Variants in GABRG3 observed in about 807,000 individuals in gnomAD.
GABRG3 encodes the protein gamma-aminobutyric acid receptor subunit gamma-3.
A neutral mutation model predicts 48.8 loss-of-function variants in GABRG3; 25 were observed. The observed-to-expected ratio is 0.51, with a 90% CI of 0.37 to 0.72. The LOEUF is 0.72. Among genes scored for constraint, GABRG3 ranks in the 30% least tolerant of loss-of-function variants. The pLI is 0.00. For missense variants in GABRG3, 394 were observed against 577.9 expected (o/e 0.68, Z 3.26); for synonymous variants, 227 against 217.6 (o/e 1.04, Z -0.38).
intron 3 of GABRG3, among the ~76,000 whole-genome samples, chr15:27,106,103 A>T (rs1408063135): frequency 6.6e-6 from 1 of 152,128 alleles, no homozygotes; most frequent in African/African-American, 2.4e-5. Context: ...CAGAAAATAA[A>T]ACAATAGTTA....
chr15:27,409,251 T>G (rs938670066), intron 5 of GABRG3, among the ~76,000 whole-genome samples: 13 of 152,204 alleles, frequency 8.5e-5, no homozygotes, highest in African/African-American at 3.1e-4. Flanking sequence ...TTTAAATCTA[T>G]TTTGAATTAA....
At chr15:27,301,624 G>C (rs1362491215) in intron 3 of GABRG3, among the ~76,000 whole-genome samples, 2 of 152,012 alleles carry the variant, frequency 1.3e-5, no homozygotes, top group African/African-American at 4.8e-5. Flanking sequence ...GTGTGAGTGT[G>C]TGTGTGTATA....
At position 27,147,948 on chromosome 15, in the gene GABRG3, A is replaced by G. The variant is rs1015632232; in HGVS notation, c.270+121127A>G. The stretch of plus-strand genomic sequence containing the variant: ...GACAATAATCCAAAGCAAGCAGAAA[A>G]AAGAAATAATAAAAATTACATGAGA... On this transcript the variant is annotated intron_variant, in intron 3 of 9. Coordinates refer to ENST00000615808, the MANE Select transcript of GABRG3 (RefSeq NM_033223.5). Among the ~76,000 whole-genome samples the G allele has an allele frequency of 2.3e-4, 35 of 152,082 alleles. 1 individual carries two copies. The highest frequency in any genetic ancestry group is 8.4e-4 in the African/African-American group (35 of 41,576).
rs1200631892 is a variant in GABRG3 at position 27,236,573 on chromosome 15, A to G, written c.271-90236A>G. 6.6e-6 allele frequency among the ~76,000 whole-genome samples: 1 copy of G among 152,204 alleles called. No individual in the cohort carries two copies. The highest frequency in any genetic ancestry group is 1.5e-5 in the Non-Finnish European group (1 of 68,034). Reference sequence around the variant, plus strand: ...CGCCCTTAGCCAGTCACCTGAGGCCAGGATCAGACTCCGCCTCCCTCTTTA... The same window carrying G: ...CGCCCTTAGCCAGTCACCTGAGGCCGGGATCAGACTCCGCCTCCCTCTTTA... On this transcript the variant is annotated intron_variant, in intron 3 of 9. Coordinates refer to ENST00000615808, the MANE Select transcript of GABRG3 (RefSeq NM_033223.5). The surrounding 1 kb of genome is among the most constrained non-coding windows in gnomAD (Gnocchi z 4.4).
intron 5 of GABRG3, among the ~76,000 whole-genome samples, chr15:27,377,126 G>A (rs1216333008): frequency 6.6e-6 from 1 of 152,084 alleles, no homozygotes; most frequent in Non-Finnish European, 1.5e-5. Context: ...AAACATAACA[G>A]GAGTTATGTT....
intron 5 of GABRG3, among the ~76,000 whole-genome samples, chr15:27,449,562 A>T (rs2140640212): frequency 6.6e-6 from 1 of 152,340 alleles, no homozygotes; most frequent in Non-Finnish European, 1.5e-5. Context: ...TTATTTTGAG[A>T]TTCCTCCATG....
intron 3 of GABRG3, among the ~76,000 whole-genome samples, chr15:27,250,036 CTG>C (rs1343352481): frequency 6.6e-6 from 1 of 152,104 alleles, no homozygotes; most frequent in African/African-American, 2.4e-5. Flanking sequence ...AGCATTGCGT[CTG>C]TGTGTCCTCC....
intron 5 of GABRG3, among the ~76,000 whole-genome samples, chr15:27,337,235 A>G (rs533323508): frequency 4.1e-4 from 63 of 152,282 alleles, no homozygotes; most frequent in South Asian, 3.9e-3. Context: ...ATCTTTTACA[A>G]TATTTCTTAA....
At chr15:27,064,567 C>T (rs1464677982) in intron 3 of GABRG3, among the ~76,000 whole-genome samples, 1 of 152,118 alleles carries the variant, frequency 6.6e-6, no homozygotes, top group African/African-American at 2.4e-5. Context: ...GTTTGCTGTC[C>T]TCTAGCCCCT....
intron 5 of GABRG3, chr15:27,362,710 C>T (rs1425399941): frequency 6.6e-6 from 1 of 152,186 alleles, no homozygotes; most frequent in Non-Finnish European, 1.5e-5. Context: ...CGATGCTCCC[C>T]CAGGAGCCTT....
At chr15:27,286,308 G>C (rs998012417) in intron 3 of GABRG3, among the ~76,000 whole-genome samples, 1 of 152,230 alleles carries the variant, frequency 6.6e-6, no homozygotes, top group Non-Finnish European at 1.5e-5. Flanking sequence ...AGCAGGTGAT[G>C]ATGGTTCAGT....
intron 2 of GABRG3, among the ~76,000 whole-genome samples, chr15:26,983,359 T>C (rs1742861486): frequency 6.6e-6 from 1 of 152,092 alleles, no homozygotes; most frequent in African/African-American, 2.4e-5. Flanking sequence ...CTCTCCACAC[T>C]TGCGATCTTC....
intron 3 of GABRG3, among the ~76,000 whole-genome samples, chr15:27,191,077 T>A (rs1020435211): frequency 6.6e-6 from 1 of 152,246 alleles, no homozygotes; most frequent in African/African-American, 2.4e-5. Context: ...TTGATTGCAC[T>A]GTGGTCTGAG....
intron 5 of GABRG3, among the ~76,000 whole-genome samples, chr15:27,383,737 G>A (rs930506544): frequency 5.7e-4 from 87 of 152,198 alleles, no homozygotes; most frequent in African/African-American, 2.0e-3. Context: ...TAATACAAAT[G>A]TGCATGTCAT....
chr15:27,512,669 C>T (rs957406699), intron 6 of GABRG3, among the ~76,000 whole-genome samples: 1 of 152,204 alleles, frequency 6.6e-6, no homozygotes, highest in African/African-American at 2.4e-5. Context: ...GGTCTCCAGG[C>T]TGAGCCACTG....
intron 3 of GABRG3, among the ~76,000 whole-genome samples, chr15:27,269,752 G>C (rs1218143678): frequency 6.6e-6 from 1 of 152,128 alleles, no homozygotes; most frequent in Non-Finnish European, 1.5e-5. Flanking sequence ...ATCGGCCTGA[G>C]GATCATGTAT....
At chr15:27,260,117 A>T (rs1890729744) in intron 3 of GABRG3, among the ~76,000 whole-genome samples, 1 of 152,120 alleles carries the variant, frequency 6.6e-6, no homozygotes, top group Admixed American at 6.5e-5. Context: ...ATAACTAAGT[A>T]CCACAGACAG....
chr15:27,466,363 G>A (rs1442933182), intron 5 of GABRG3, among the ~76,000 whole-genome samples: 1 of 152,162 alleles, frequency 6.6e-6, no homozygotes, highest in Admixed American at 6.5e-5. Context: ...TGTGACATAT[G>A]CATGGGGAAA....
chr15:27,178,293 A>G (rs1364030918), intron 3 of GABRG3, among the ~76,000 whole-genome samples: 2 of 152,208 alleles, frequency 1.3e-5, no homozygotes, highest in African/African-American at 4.8e-5. Context: ...TTTGCAGTTC[A>G]CTAGTTGTGG....
Sources: gnomAD v4.1 joint callset for allele counts (sites outside exome capture counted in the v4.1 genomes callset) on GRCh38, gnomAD v4.1.1 for gene constraint, Gnocchi (gnomAD v3.1) non-coding constraint, MANE v1.5 for transcripts, NCBI Gene and HGNC (gene_info 2026-07-23, HGNC 2026-07-21) for gene names.